The following GALNT13 variants were observed in gnomAD, a reference collection of about 807,000 sequenced individuals.
GALNT13 encodes the protein polypeptide N-acetylgalactosaminyltransferase 13, also known as UDP-GalNAc:polypeptide N-acetylgalactosaminyltransferase 13.
In GALNT13, 28 loss-of-function variants were observed where a neutral mutation model predicts 64.2. The ratio of observed to expected loss-of-function variants is 0.44; its 90% CI spans 0.32 to 0.60. The LOEUF is 0.60. Among genes scored for constraint, GALNT13 ranks in the 20% least tolerant of loss-of-function variants. The pLI is 0.05. For missense variants in GALNT13, 577 were observed against 669.8 expected (o/e 0.86, Z 1.53); for synonymous variants, 214 against 224.6 (o/e 0.95, Z 0.42).
At chr2:153,779,781 A>G in the GALNT13 span, among the ~76,000 whole-genome samples, 1 of 152,152 alleles carries the variant, frequency 6.6e-6, no homozygotes, top group Non-Finnish European at 1.5e-5. Context: ...CAATAGCTAA[A>G]CGGGTTCCAA....
At chr2:153,360,492 A>G in the GALNT13 span, among the ~76,000 whole-genome samples, 1 of 152,192 alleles carries the variant, frequency 6.6e-6, no homozygotes, top group African/African-American at 2.4e-5. Flanking sequence ...GAAGGGCAGC[A>G]GCCATCTCTA....
At chr2:153,834,361 T>C in the GALNT13 span, among the ~76,000 whole-genome samples, 2 of 152,116 alleles carry the variant, frequency 1.3e-5, no homozygotes, top group Non-Finnish European at 2.9e-5. Flanking sequence ...AGCTCTTCTC[T>C]AAAATATGCC....
chr2:153,101,717 G>A, the GALNT13 span, among the ~76,000 whole-genome samples: 1 of 152,122 alleles, frequency 6.6e-6, no homozygotes. Context: ...TAAAAAATAG[G>A]CAAACACAAA....
chr2:154,066,429 T>A (rs1700465299), intron 3 of GALNT13, among the ~76,000 whole-genome samples: 1 of 151,714 alleles, frequency 6.6e-6, no homozygotes, highest in Non-Finnish European at 1.5e-5. Context: ...CTCAAGACAT[T>A]TAATAATCAA....
chr2:154,428,867 C>T (rs1483629914), intron 11 of GALNT13, among the ~76,000 whole-genome samples: 1 of 151,792 alleles, frequency 6.6e-6, no homozygotes, highest in African/African-American at 2.4e-5. Context: ...CTGCAAGCTC[C>T]GCCTCCCGGG....
At chr2:154,288,276 C>G (rs1038019887) in intron 8 of GALNT13, among the ~76,000 whole-genome samples, 6 of 152,034 alleles carry the variant, frequency 3.9e-5, no homozygotes, top group Non-Finnish European at 5.9e-5. Flanking sequence ...TACCTCCCAC[C>G]AGATTCCTCC....
Position 154,391,838 on chromosome 2 carries a change from T to C in GALNT13, c.1157-4153T>C, listed in dbSNP as rs141859792. 2.2e-4 allele frequency among the ~76,000 whole-genome samples: 33 copies of C among 152,160 alleles called. 1 individual carries two copies. Among genetic ancestry groups the C allele is most frequent in the African/African-American group, 6.3e-4 (26 of 41,506 alleles). On this transcript the variant is annotated intron_variant, in intron 9 of 12. Coordinates refer to ENST00000392825, the MANE Select transcript of GALNT13 (RefSeq NM_052917.4). ...GAGCAAAGTGATCTGAAATATGATA[T>C]CAGATAGTAATAAGTGCCATGGAAA...
At chr2:153,867,813 T>G (rs1244982766), upstream of GALNT13, among the ~76,000 whole-genome samples, 1 of 151,794 alleles carries the variant, frequency 6.6e-6, no homozygotes, top group African/African-American at 2.4e-5. Context: ...CACAATAGGG[T>G]TCACACTCCT....
chr2:154,299,837 A>G (rs1693326188), intron 8 of GALNT13, among the ~76,000 whole-genome samples: 1 of 151,964 alleles, frequency 6.6e-6, no homozygotes, highest in Non-Finnish European at 1.5e-5. Context: ...CTTCTCGTAT[A>G]TTCATCTGTA....
chr2:153,666,807 T>C, the GALNT13 span, among the ~76,000 whole-genome samples: 14 of 152,142 alleles, frequency 9.2e-5, no homozygotes, highest in Admixed American at 9.2e-4. Context: ...CAATGGTTTT[T>C]AACAAGGCTG....
upstream of GALNT13, among the ~76,000 whole-genome samples, chr2:153,869,812 A>G (rs75313225): frequency 3.3e-5 from 5 of 152,114 alleles, no homozygotes; most frequent in East Asian, 9.6e-4. Context: ...CAAGACATGG[A>G]CTATATTATC....
At chr2:153,635,263 A>T in the GALNT13 span, among the ~76,000 whole-genome samples, 1 of 151,854 alleles carries the variant, frequency 6.6e-6, no homozygotes, top group Non-Finnish European at 1.5e-5. Context: ...TGGCAATCAT[A>T]AAAGATAGTA....
intron 4 of GALNT13, among the ~76,000 whole-genome samples, chr2:154,145,096 C>CTATATA (rs1306928627): frequency 1.8e-3 from 222 of 124,026 alleles, no homozygotes; most frequent in Middle Eastern, 4.1e-3. Flanking sequence ...ATCTATCTAT[C>CTATATA]TATCTATATA....
At chr2:153,729,132 A>T in the GALNT13 span, among the ~76,000 whole-genome samples, 3 of 152,190 alleles carry the variant, frequency 2.0e-5, no homozygotes, top group Admixed American at 6.5e-5. Context: ...TCCCTAACTC[A>T]TAGCCAATAT....
chr2:154,293,419 GC>G (rs1302098573), intron 8 of GALNT13, among the ~76,000 whole-genome samples: 3 of 152,076 alleles, frequency 2.0e-5, no homozygotes, highest in Non-Finnish European at 4.4e-5. Flanking sequence ...TTTTTAAAAA[GC>G]AAGAATCAGC....
At chr2:153,167,797 C>T in the GALNT13 span, among the ~76,000 whole-genome samples, 1 of 152,134 alleles carries the variant, frequency 6.6e-6, no homozygotes, top group Non-Finnish European at 1.5e-5. Flanking sequence ...ATTTTTGCAT[C>T]CTCTTCCTTA....
the GALNT13 span, among the ~76,000 whole-genome samples, chr2:153,759,206 C>G: frequency 2.6e-5 from 4 of 151,888 alleles, no homozygotes; most frequent in Non-Finnish European, 5.9e-5. Context: ...TTTTTGGAGT[C>G]TTTAGGTTTT....
At chr2:153,931,439 G>A (rs1690511283) in intron 2 of GALNT13, among the ~76,000 whole-genome samples, 1 of 151,842 alleles carries the variant, frequency 6.6e-6, no homozygotes, top group African/African-American at 2.4e-5. Context: ...TAAGGAGAAC[G>A]TTTCCAGCTT....
chr2:154,212,393 G>A lies in GALNT13; in HGVS notation c.312-29637G>A, dbSNP rs375738180. Among the ~76,000 whole-genome samples the A allele has an allele frequency of 1.3e-4, 20 of 151,834 alleles. No individual in the cohort carries two copies. The South Asian group carries it at 1.7e-3, about 13-fold the overall frequency. On this transcript the variant is annotated intron_variant, in intron 4 of 12. Coordinates refer to ENST00000392825, the MANE Select transcript of GALNT13 (RefSeq NM_052917.4). ...CGAGTAGCTGAGATTACAGGTGCTC[G>A]CCACCACGCCCGGCTAACTTTTGTA...
Sources: gnomAD v4.1 joint callset for allele counts (sites outside exome capture counted in the v4.1 genomes callset) on GRCh38, gnomAD v4.1.1 for gene constraint, MANE v1.5 for transcripts, NCBI Gene and HGNC (gene_info 2026-07-23, HGNC 2026-07-21) for gene names.